Variants in SLC9A3 observed in about 807,000 individuals in gnomAD.
The protein encoded by SLC9A3 is solute carrier family 9 member A3.
SLC9A3 carries 37 observed loss-of-function variants against 86.8 expected under a neutral mutation model. That is an observed-to-expected ratio of 0.43 (90% confidence interval 0.33 to 0.56). SLC9A3 has a LOEUF of 0.56. Ranked by LOEUF, SLC9A3 falls within the 20% of genes least tolerant of loss-of-function variation. The pLI is 0.06. For synonymous variants in SLC9A3, 581 were observed against 528.3 expected, an observed-to-expected ratio of 1.10 and a Z score of -1.37; for missense variants, 1,011 against 1,171.9, an observed-to-expected ratio of 0.86 and a Z score of 2.00.
intron 15 of SLC9A3, 173 bp from the exon 16 acceptor site, chr5:475,305 C>T (rs556495753): frequency 1.3e-5 from 9 of 669,526 alleles, no homozygotes; most frequent in African/African-American, 5.4e-5. Flanking sequence ...ACCCCACACG[C>T]CACAGGCAGC....
intron 1 of SLC9A3, among the ~76,000 whole-genome samples, chr5:492,354 AT>A (rs1739806701): frequency 5.8e-5 from 3 of 51,424 alleles, no homozygotes; most frequent in Non-Finnish European, 7.0e-5. Flanking sequence ...GGGGGAGCCC[AT>A]GGGGGAGGGG....
chr5:492,320 GCCTTGGGA>G, intron 1 of SLC9A3, among the ~76,000 whole-genome samples: 1 of 91,746 alleles, frequency 1.1e-5, no homozygotes, highest in African/African-American at 4.6e-5. Flanking sequence ...TCAGGGTGGG[GCCTTGGGA>G]GAGGGCAGGT....
At chr5:480,152 G>A (rs1025453494) in intron 9 of SLC9A3, 187 bp from the exon 10 acceptor site, 3 of 596,364 alleles carry the variant, frequency 5.0e-6, no homozygotes, top group Non-Finnish European at 8.8e-6. Context: ...TGTCCTGTTG[G>A]ATGGAGGCCG....
chr5:485,183 CGTT>C lies in SLC9A3; in HGVS notation c.721_723del (p.Asn241del), dbSNP rs747775303. ...CCCTTCACGCAGTCCACGCCAGTCA[CGTT>C]GTCACCTCCCAGCGCCACGAAAGAT... On this transcript the variant is annotated inframe_deletion, in exon 4 of 17. Coordinates refer to ENST00000264938, the MANE Select transcript of SLC9A3 (RefSeq NM_004174.4). 15 of 1,613,816 alleles carry C rather than the reference CGTT, an allele frequency of 9.3e-6. No individual in the cohort carries two copies. Among genetic ancestry groups the C allele is most frequent in the African/African-American group, 1.3e-5 (1 of 74,940 alleles).
chr5:484,730 G>A, intron 4 of SLC9A3, 33 bp from the exon 5 acceptor site: 3 of 1,604,958 alleles, frequency 1.9e-6, no homozygotes, highest in Non-Finnish European at 8.5e-7. Flanking sequence ...GGCCGTGCCG[G>A]CCTTCCGGGC....
intron 1 of SLC9A3, among the ~76,000 whole-genome samples, chr5:510,152 T>G (rs892185478): frequency 6.6e-6 from 1 of 152,190 alleles, no homozygotes; most frequent in South Asian, 2.1e-4. Flanking sequence ...GGCAGCTTGT[T>G]GGGAGCTGGG....
intron 2 of SLC9A3, among the ~76,000 whole-genome samples, chr5:488,885 C>T (rs921175506): frequency 3.3e-5 from 5 of 151,440 alleles, no homozygotes; most frequent in African/African-American, 7.3e-5. Context: ...CACCCAGGGG[C>T]GCGGCCAGGG....
chr5:477,360 T>C lies in SLC9A3; in HGVS notation c.1732A>G (p.Thr578Ala). The stretch of plus-strand genomic sequence containing the variant: ...AGGTAGGAGACAGAGGCCTCCACGG[T>C]GGACGATCGTGGCGTGAAGTCCACG... ...VNVDFTPRSS[T>A]VEASVSYLLR... Residue 578 changes from threonine (T) to alanine (A), a missense_variant, in exon 11 of 17, where the codon ACC (threonine) becomes GCC (alanine). Around this residue, in one of 3 missense-constraint regions of SLC9A3, gnomAD observed 565 missense variants for 790.0 expected, o/e 0.72. Transcript: ENST00000264938. 6.2e-7 allele frequency: 1 copy of C among 1,612,234 alleles called. No individual in the cohort carries two copies. The highest frequency in any genetic ancestry group is 8.5e-7 in the Non-Finnish European group (1 of 1,179,180).
At chr5:507,077 AAAATAAATAAATAAATAAATAAAT>A (rs78074475) in intron 1 of SLC9A3, among the ~76,000 whole-genome samples, 4 of 126,696 alleles carry the variant, frequency 3.2e-5, no homozygotes, top group South Asian at 2.6e-4. Context: ...ACTGTCTCAA[AAAATAAATAAATAAATAAATAAAT>A]AAATAAATAA....
Position 472,241 on chromosome 5 carries a change from C to A in SLC9A3, c.*1138G>T. 1 of 354,308 alleles carries A rather than the reference C, an allele frequency of 2.8e-6. No homozygotes were observed. Among genetic ancestry groups the A allele is most frequent in the Non-Finnish European group, 5.6e-6 (1 of 180,006 alleles). The allele number at this position is 354,308 out of a possible 1,614,324, so 21.9% of individuals were successfully genotyped here. A position where few individuals can be genotyped will look rare whatever the true frequency, so the allele number is the denominator to read the frequency against. ...CCAGGAGCTCTGTCCAAGGCCTCGC[C>A]CTGGGACGCTGGAAGGGGTGGGAAG... On this transcript the variant is annotated 3_prime_UTR_variant, in exon 17 of 17. Transcript: ENST00000264938.
intron 1 of SLC9A3, among the ~76,000 whole-genome samples, chr5:508,636 G>A (rs1036631561): frequency 6.7e-6 from 1 of 150,350 alleles, no homozygotes; most frequent in African/African-American, 2.4e-5. Flanking sequence ...TGGAGATGCC[G>A]CGGGGAGACA....
In SLC9A3 at chr5:471,733, T is replaced by C; in HGVS notation, c.*1646A>G. ...ACTGAATCCCAAAAAGTCACTGCGC[T>C]TGATCTGATCCAAGTAACAGTGACT... On this transcript the variant is annotated 3_prime_UTR_variant, in exon 17 of 17. Coordinates refer to ENST00000264938, the MANE Select transcript of SLC9A3 (RefSeq NM_004174.4). 2 of 453,066 alleles carry C rather than the reference T, an allele frequency of 4.4e-6. No individual in the cohort carries two copies. Among genetic ancestry groups the C allele is most frequent in the Non-Finnish European group, 8.9e-6 (2 of 224,818 alleles). 28.1% of individuals were successfully genotyped at this position (453,066 alleles called of 1,614,324 possible).
At chr5:499,555 T>A (rs1052317351) in intron 1 of SLC9A3, among the ~76,000 whole-genome samples, 9 of 152,334 alleles carry the variant, frequency 5.9e-5, no homozygotes, top group Non-Finnish European at 7.4e-5. Context: ...ACACTTGGGT[T>A]CCAGGGTCCC....
In SLC9A3 at chr5:472,296, CA is replaced by C; in HGVS notation, c.*1082del. 1 of 343,544 alleles carries C rather than the reference CA, an allele frequency of 2.9e-6. No homozygotes were observed. The highest frequency in any genetic ancestry group is 5.7e-6 in the Non-Finnish European group (1 of 174,914). The allele number at this position is 343,544 out of a possible 1,614,324, so 21.3% of individuals were successfully genotyped here. On this transcript the variant is annotated 3_prime_UTR_variant, in exon 17 of 17. Coordinates refer to ENST00000264938, the MANE Select transcript of SLC9A3 (RefSeq NM_004174.4). ...AGGGGTCCGGGGTCTAGGACAGGCT[CA>C]GGGGTCTCAGCAGGTTCTCCTTGGA...
chr5:488,479 G>A lies in SLC9A3; in HGVS notation c.515-3C>T, dbSNP rs1739571405. ...CAGCAGCCCAATCTGCAGGTCGCCTGGAAGACAAGCCGGGCCGCGGGGCAG... is the reference window on the plus strand; with the variant it reads ...CAGCAGCCCAATCTGCAGGTCGCCTAGAAGACAAGCCGGGCCGCGGGGCAG... On this transcript the variant is annotated splice_polypyrimidine_tract_variant and splice_region_variant and intron_variant, in intron 2 of 16. Coordinates refer to ENST00000264938, the MANE Select transcript of SLC9A3 (RefSeq NM_004174.4). The A allele has an allele frequency of 1.3e-6, 2 of 1,554,316 alleles. No individual in the cohort carries two copies. The highest frequency in any genetic ancestry group is 1.7e-6 in the Non-Finnish European group (2 of 1,147,098).
At chr5:482,516 G>A (rs201506268) in intron 7 of SLC9A3, 32 bp downstream of exon 7, 24 of 1,566,514 alleles carry the variant, frequency 1.5e-5, no homozygotes, top group East Asian at 1.4e-4. Context: ...GGGCGGGGCC[G>A]AGACCCCAGG....
At chr5:486,538 C>A (rs952859353) in intron 3 of SLC9A3, among the ~76,000 whole-genome samples, 1 of 152,212 alleles carries the variant, frequency 6.6e-6, no homozygotes, top group African/African-American at 2.4e-5. Flanking sequence ...GGAACACCAT[C>A]TCCTCCAGGG....
chr5:494,595 T>A (rs1417723925), intron 1 of SLC9A3, among the ~76,000 whole-genome samples: 1 of 152,058 alleles, frequency 6.6e-6, no homozygotes, highest in Non-Finnish European at 1.5e-5. Flanking sequence ...CAGAGAGAAG[T>A]GGAGTTTACC....
chr5:473,284 C>G lies in SLC9A3; in HGVS notation c.*95G>C. 1.6e-6 allele frequency: 2 copies of G among 1,254,622 alleles called. No homozygotes were observed. The highest frequency in any genetic ancestry group is 2.0e-6 in the Non-Finnish European group (2 of 984,342). The allele number at this position is 1,254,622 out of a possible 1,614,324, so 77.7% of individuals were successfully genotyped here. A position where few individuals can be genotyped will look rare whatever the true frequency, so the allele number is the denominator to read the frequency against. ...GGGGCTCGCGGTCGCTGTAGCCGCG[C>G]GGGGATCTGGGGTTTCTCTGGGACA... On this transcript the variant is annotated 3_prime_UTR_variant, in exon 17 of 17. Coordinates refer to ENST00000264938, the MANE Select transcript of SLC9A3 (RefSeq NM_004174.4).
Sources: gnomAD v4.1 joint callset for allele counts (sites outside exome capture counted in the v4.1 genomes callset) on GRCh38, gnomAD v4.1.1 for gene constraint, gnomAD v4.1.1 regional missense constraint, MANE v1.5 for transcripts, NCBI Gene and HGNC (gene_info 2026-07-23, HGNC 2026-07-21) for gene names.